The following SPIRE1 variants were observed in gnomAD, a reference collection of about 807,000 sequenced individuals.
SPIRE1 encodes the protein protein spire homolog 1.
SPIRE1 carries 40 observed loss-of-function variants against 94.1 expected under a neutral mutation model. The ratio of observed to expected loss-of-function variants is 0.43; its 90% CI spans 0.33 to 0.55. SPIRE1 has a LOEUF of 0.55. Ranked by LOEUF, SPIRE1 falls within the 20% of genes least tolerant of loss-of-function variation. The pLI, the probability that SPIRE1 is intolerant of heterozygous loss-of-function variation, is 0.06. For synonymous variants in SPIRE1, 376 were observed against 371.7 expected (o/e 1.01, Z -0.13); for missense variants, 838 against 975.2 (o/e 0.86, Z 1.87).
intron 2 of SPIRE1, among the ~76,000 whole-genome samples, chr18:12,558,382 C>T (rs2035581647): frequency 6.6e-6 from 1 of 152,184 alleles, no homozygotes; most frequent in Non-Finnish European, 1.5e-5. Context: ...AGTGTTACAG[C>T]TCACAAAGGC....
chr18:12,654,576 G>A (rs1336264571), intron 1 of SPIRE1, among the ~76,000 whole-genome samples: 1 of 151,484 alleles, frequency 6.6e-6, no homozygotes. Context: ...GCACCTGGGA[G>A]GCGGAGCTTG....
At chr18:12,455,783 ACAC>A (rs1368116608) in intron 12 of SPIRE1, among the ~76,000 whole-genome samples, 2 of 152,332 alleles carry the variant, frequency 1.3e-5, no homozygotes, top group African/African-American at 4.8e-5. Flanking sequence ...TCCCACACAC[ACAC>A]AACAGCATCG....
intron 2 of SPIRE1, 33 bp from the exon 3 acceptor site, chr18:12,546,937 T>C (rs1335370665): frequency 1.3e-6 from 2 of 1,484,468 alleles, no homozygotes; most frequent in South Asian, 1.2e-5. Flanking sequence ...TTAATGGAGA[T>C]GAATGAAGAG....
intron 4 of SPIRE1, among the ~76,000 whole-genome samples, chr18:12,526,836 A>G (rs1490936022): frequency 6.6e-6 from 1 of 151,684 alleles, no homozygotes; most frequent in Non-Finnish European, 1.5e-5. Context: ...CAGCTTCTCG[A>G]GTAGCTGGGA....
intron 8 of SPIRE1, among the ~76,000 whole-genome samples, chr18:12,487,268 A>G (rs1481965401): frequency 1.3e-5 from 2 of 152,188 alleles, no homozygotes; most frequent in East Asian, 1.9e-4. Flanking sequence ...TTTCATAGGT[A>G]TGCATGTAAA....
intron 4 of SPIRE1, among the ~76,000 whole-genome samples, chr18:12,516,781 C>T (rs1598429486): frequency 6.6e-6 from 1 of 152,122 alleles, no homozygotes; most frequent in African/African-American, 2.4e-5. Context: ...CAAAACAGGG[C>T]CCCTTTTCCA....
At chr18:12,496,928 C>A (rs1198915591) in intron 6 of SPIRE1, among the ~76,000 whole-genome samples, 1 of 151,940 alleles carries the variant, frequency 6.6e-6, no homozygotes, top group Non-Finnish European at 1.5e-5. Context: ...ATTAGCCAGG[C>A]ATGGCAGCAG....
At chr18:12,457,839 CTTTTTTCTTTTTT>C (rs1158925374) in intron 12 of SPIRE1, among the ~76,000 whole-genome samples, 1 of 141,000 alleles carries the variant, frequency 7.1e-6, no homozygotes, top group African/African-American at 2.6e-5. Flanking sequence ...CCTTTCTTTT[CTTTTTTCTTTTTT>C]TTTTTTTTTT....
At position 12,626,045 on chromosome 18, in the gene SPIRE1, C is replaced by CCCG. The variant is rs2037615620; in HGVS notation, c.372+9016_372+9017insCGG. ...ACTCCATTCCCCACACCGCCCCGCC[C>CCCG]CCCCCCAAAAAAAGGAAATACAAAT... On this transcript the variant is annotated intron_variant, in intron 2 of 16. Coordinates refer to ENST00000409402, the MANE Select transcript of SPIRE1 (RefSeq NM_001128626.2). Among the ~76,000 whole-genome samples, 4 of 143,134 alleles carry CCCG rather than the reference C, an allele frequency of 2.8e-5. No individual in the cohort carries two copies. The South Asian group carries it at 1.1e-3, about 39-fold the overall frequency. The allele number at this position is 143,134 out of a possible 152,430, so 93.9% of individuals were successfully genotyped here.
chr18:12,533,706 T>C (rs1458212048), intron 4 of SPIRE1, among the ~76,000 whole-genome samples: 1 of 152,214 alleles, frequency 6.6e-6, no homozygotes, highest in Admixed American at 6.5e-5. Flanking sequence ...CCAGGCACTG[T>C]GCTTTATAAA....
At chr18:12,523,546 C>T (rs1598434226) in intron 4 of SPIRE1, among the ~76,000 whole-genome samples, 1 of 152,168 alleles carries the variant, frequency 6.6e-6, no homozygotes, top group East Asian at 1.9e-4. Context: ...GGGCCAAAGC[C>T]ACCCTAACCT....
chr18:12,505,937 C>G (rs1209134937), intron 6 of SPIRE1, among the ~76,000 whole-genome samples: 1 of 152,028 alleles, frequency 6.6e-6, no homozygotes, highest in East Asian at 1.9e-4. Context: ...TGCATAGAAA[C>G]AAGGCTAAAG....
intron 4 of SPIRE1, among the ~76,000 whole-genome samples, chr18:12,520,141 A>G (rs2034317032): frequency 6.6e-6 from 1 of 152,222 alleles, no homozygotes; most frequent in Non-Finnish European, 1.5e-5. Flanking sequence ...TCTCTAAGAC[A>G]TATAATTAAA....
At chr18:12,606,420 A>AAAGGAG (rs1459515068) in intron 2 of SPIRE1, among the ~76,000 whole-genome samples, 1 of 152,206 alleles carries the variant, frequency 6.6e-6, no homozygotes, top group East Asian at 1.9e-4. Context: ...AGAAAAAGGA[A>AAAGGAG]AAGGAGAAGG....
At chr18:12,609,448 G>T (rs754688943) in intron 2 of SPIRE1, among the ~76,000 whole-genome samples, 1 of 152,080 alleles carries the variant, frequency 6.6e-6, no homozygotes, top group Non-Finnish European at 1.5e-5. Context: ...TTTTTTGAGA[G>T]CCAGTTTACC....
Position 12,596,787 on chromosome 18 carries a change from G to A in SPIRE1, c.372+38275C>T, listed in dbSNP as rs1029254839. The stretch of plus-strand genomic sequence containing the variant: ...CTATCAACTGACAAAATACAGTTGG[G>A]AAATTTGACATTTGTAATTTACCTT... On this transcript the variant is annotated intron_variant, in intron 2 of 16. Coordinates refer to ENST00000409402, the MANE Select transcript of SPIRE1 (RefSeq NM_001128626.2). 3.9e-5 allele frequency among the ~76,000 whole-genome samples: 6 copies of A among 152,170 alleles called. No homozygotes were observed. The South Asian group carries it at 1.2e-3, about 32-fold the overall frequency.
intron 2 of SPIRE1, among the ~76,000 whole-genome samples, chr18:12,630,378 T>C (rs1344542393): frequency 6.6e-6 from 1 of 152,160 alleles, no homozygotes; most frequent in Admixed American, 6.6e-5. Flanking sequence ...ATAATTTTTA[T>C]GGCAGGCACA....
chr18:12,453,533 A>T (rs569292769), intron 13 of SPIRE1, among the ~76,000 whole-genome samples: 217 of 150,600 alleles, frequency 1.4e-3, no homozygotes, highest in African/African-American at 5.0e-3. Flanking sequence ...TCCTGGGTTC[A>T]CGCCATTCTC....
intron 2 of SPIRE1, among the ~76,000 whole-genome samples, chr18:12,567,168 C>T (rs986297030): frequency 1.3e-5 from 2 of 152,118 alleles, no homozygotes; most frequent in East Asian, 1.9e-4. Context: ...CATTTTAATA[C>T]ATATCAGCAA....
Sources: allele counts gnomAD v4.1 joint callset (sites outside exome capture counted in the v4.1 genomes callset), GRCh38; gene constraint gnomAD v4.1.1; transcripts MANE v1.5; gene names NCBI Gene and HGNC (gene_info 2026-07-23, HGNC 2026-07-21).